The following PTPN4 variants were observed in gnomAD, a reference collection of about 807,000 sequenced individuals.
The protein encoded by PTPN4 is tyrosine-protein phosphatase non-receptor type 4.
In PTPN4, 49 loss-of-function variants were observed where a neutral mutation model predicts 135.5. The observed-to-expected ratio is 0.36, with a 90% CI of 0.29 to 0.46. The LOEUF (loss-of-function observed/expected upper bound fraction) is 0.46, where lower values mean the gene tolerates loss of function less well. PTPN4 is among the 20% of genes least tolerant of loss of function. PTPN4 has a pLI of 1.00. For synonymous variants in PTPN4, 333 were observed against 369.9 expected (o/e 0.90, Z 1.14); for missense variants, 860 against 1,101.0 (o/e 0.78, Z 3.10).
At chr2:119,949,367 G>T (rs1481470563) in intron 18 of PTPN4, among the ~76,000 whole-genome samples, 10 of 152,114 alleles carry the variant, frequency 6.6e-5, no homozygotes, top group Non-Finnish European at 1.5e-5. Context: ...AAAGGAAAAG[G>T]TTTCTGTTTT....
At chr2:119,815,356 A>G (rs1676969105) in intron 2 of PTPN4, among the ~76,000 whole-genome samples, 1 of 152,150 alleles carries the variant, frequency 6.6e-6, no homozygotes, top group African/African-American at 2.4e-5. Context: ...TGCATTTAGA[A>G]AGGTTGACTT....
intron 10 of PTPN4, among the ~76,000 whole-genome samples, chr2:119,904,083 G>A (rs995691755): frequency 6.6e-6 from 1 of 152,092 alleles, no homozygotes; most frequent in African/African-American, 2.4e-5. Flanking sequence ...AGATATCAAC[G>A]TATAAGGACA....
At chr2:119,870,849 A>G (rs1402602072) in intron 3 of PTPN4, among the ~76,000 whole-genome samples, 1 of 152,146 alleles carries the variant, frequency 6.6e-6, no homozygotes, top group Non-Finnish European at 1.5e-5. Flanking sequence ...AACATTTTTA[A>G]TAATATTTGT....
At chr2:119,814,498 CTT>C (rs1198752577) in intron 2 of PTPN4, among the ~76,000 whole-genome samples, 1 of 152,166 alleles carries the variant, frequency 6.6e-6, no homozygotes, top group Non-Finnish European at 1.5e-5. Flanking sequence ...CCTGCCTTCT[CTT>C]TTTGAAAGAT....
chr2:119,914,771 TAAG>T (rs1400491789), intron 10 of PTPN4, among the ~76,000 whole-genome samples: 2 of 152,176 alleles, frequency 1.3e-5, no homozygotes, highest in African/African-American at 2.4e-5. Context: ...GGGTTGCGTT[TAAG>T]AAGAAGGGTG....
chr2:119,877,249 G>A (rs1677997915), intron 3 of PTPN4, 74 bp from the exon 4 acceptor site: 2 of 1,500,058 alleles, frequency 1.3e-6, no homozygotes, highest in African/African-American at 2.8e-5. Context: ...TCTCCAAATG[G>A]AACAGATTTG....
Position 119,884,634 on chromosome 2 carries a change from A to C in PTPN4, c.588-1161A>C, listed in dbSNP as rs190656960. ...GTTTGAAGATAAGCCAGATTTTTTT[A>C]AATTTACCGATAATGAAAAGACTCT... On this transcript the variant is annotated intron_variant, in intron 8 of 26. Coordinates refer to ENST00000263708, the MANE Select transcript of PTPN4 (RefSeq NM_002830.4). 1.3e-4 allele frequency among the ~76,000 whole-genome samples: 20 copies of C among 152,330 alleles called. No individual in the cohort carries two copies. The East Asian group carries it at 2.9e-3, about 22-fold the overall frequency.
chr2:119,872,894 G>A (rs1019841099), intron 3 of PTPN4, among the ~76,000 whole-genome samples: 24 of 152,170 alleles, frequency 1.6e-4, no homozygotes, highest in African/African-American at 5.6e-4. Context: ...TGAAACAGAT[G>A]AAGAAATAAA....
chr2:119,813,215 G>C (rs1326125452), intron 2 of PTPN4, among the ~76,000 whole-genome samples: 1 of 151,854 alleles, frequency 6.6e-6, no homozygotes, highest in Non-Finnish European at 1.5e-5. Context: ...TTGATATCCT[G>C]GACTTCTTCA....
intron 3 of PTPN4, among the ~76,000 whole-genome samples, chr2:119,869,238 G>A (rs1015675925): frequency 6.6e-6 from 1 of 152,188 alleles, no homozygotes; most frequent in Non-Finnish European, 1.5e-5. Context: ...CTAGGATTTG[G>A]CAGACTGATT....
intron 1 of PTPN4, among the ~76,000 whole-genome samples, chr2:119,807,240 A>G (rs1351044918): frequency 6.6e-5 from 10 of 152,198 alleles, no homozygotes; most frequent in African/African-American, 9.7e-5. Context: ...AGCAGAACTG[A>G]AGGAGATAGA....
chr2:119,786,359 C>T (rs184585484), intron 1 of PTPN4, among the ~76,000 whole-genome samples: 2 of 152,244 alleles, frequency 1.3e-5, no homozygotes, highest in African/African-American at 2.4e-5. Context: ...TGCTGTGTAA[C>T]CATCCCAGAA....
intron 2 of PTPN4, among the ~76,000 whole-genome samples, chr2:119,848,998 CCCCT>C (rs1369570042): frequency 1.3e-5 from 2 of 152,156 alleles, no homozygotes; most frequent in East Asian, 3.8e-4. Flanking sequence ...TACTGGTGAG[CCCCT>C]TAAATATATT....
At chr2:119,958,311 A>T (rs1679317741) in intron 22 of PTPN4, among the ~76,000 whole-genome samples, 1 of 145,776 alleles carries the variant, frequency 6.9e-6, no homozygotes. Context: ...TCACTGGGTG[A>T]CAGAACAAGA....
At chr2:119,976,912 CT>C (rs1222879240) in intron 26 of PTPN4, 71 bp from the exon 27 acceptor site, 1 of 1,540,698 alleles carries the variant, frequency 6.5e-7, no homozygotes, top group Non-Finnish European at 8.7e-7. Context: ...AGATGTTTGT[CT>C]TTTTTGGGGG....
At chr2:119,784,273 C>CTTTT (rs573937387) in intron 1 of PTPN4, among the ~76,000 whole-genome samples, 3 of 131,706 alleles carry the variant, frequency 2.3e-5, no homozygotes, top group Non-Finnish European at 3.3e-5. Context: ...TGTAGACTCC[C>CTTTT]TTTTTTTTTT....
In PTPN4 at chr2:119,956,020, GA is replaced by G. The variant is rs1194912505; in HGVS notation, c.1980+699del. Among the ~76,000 whole-genome samples the G allele has an allele frequency of 2.0e-5, 3 of 151,790 alleles. No individual in the cohort carries two copies. The East Asian group carries it at 5.8e-4, about 29-fold the overall frequency. ...CTAAAGGAAAATAACTTTTATTTTT[GA>G]AGTTTATACCTTGTCATTTAATCTT... On this transcript the variant is annotated intron_variant, in intron 20 of 26. Coordinates refer to ENST00000263708, the MANE Select transcript of PTPN4 (RefSeq NM_002830.4).
chr2:119,841,311 G>A (rs1437172759), intron 2 of PTPN4, among the ~76,000 whole-genome samples: 1 of 152,084 alleles, frequency 6.6e-6, no homozygotes, highest in Non-Finnish European at 1.5e-5. Flanking sequence ...CATTTTCTCT[G>A]CATATGCAAG....
intron 9 of PTPN4, among the ~76,000 whole-genome samples, chr2:119,897,683 G>A (rs994489137): frequency 9.2e-5 from 14 of 151,912 alleles, no homozygotes; most frequent in African/African-American, 2.7e-4. Context: ...ACATTTTCAA[G>A]CCATATAGCC....
Sources: allele counts gnomAD v4.1 joint callset (sites outside exome capture counted in the v4.1 genomes callset), GRCh38; gene constraint gnomAD v4.1.1; transcripts MANE v1.5; gene names NCBI Gene and HGNC (gene_info 2026-07-23, HGNC 2026-07-21).